The following PIGL variants were observed in gnomAD, a reference collection of about 807,000 sequenced individuals.
PIGL encodes the protein N-acetylglucosaminyl-phosphatidylinositol de-N-acetylase.
Under a neutral mutation model 31.1 loss-of-function variants are expected in PIGL, and 22 were observed. The observed-to-expected ratio is 0.71, with a 90% CI of 0.51 to 1.01. The LOEUF (loss-of-function observed/expected upper bound fraction) is 1.01, where lower values mean the gene tolerates loss of function less well. Ranked by LOEUF, PIGL falls within the 50% of genes least tolerant of loss-of-function variation. The pLI is 0.00. For synonymous variants in PIGL, 131 were observed against 117.4 expected (o/e 1.12, Z -0.75); for missense variants, 302 against 315.9 (o/e 0.96, Z 0.33).
rs899662491 is a variant in PIGL at position 16,267,480 on chromosome 17, C to T, written c.336-32408C>T. Among the ~76,000 whole-genome samples, 3 of 152,162 alleles carry T rather than the reference C, an allele frequency of 2.0e-5. No homozygotes were observed. The South Asian group carries it at 6.2e-4, about 32-fold the overall frequency. ...TATAAGTGGACCCACGCAGTTCAAACGTGTTGTTCAAGGGTCAACTGTGGT... is the reference window on the plus strand; with the variant it reads ...TATAAGTGGACCCACGCAGTTCAAATGTGTTGTTCAAGGGTCAACTGTGGT... On this transcript the variant is annotated intron_variant, in intron 2 of 6. Coordinates refer to ENST00000225609, the MANE Select transcript of PIGL (RefSeq NM_004278.4).
At chr17:16,266,665 G>T (rs8067000) in intron 2 of PIGL, among the ~76,000 whole-genome samples, 7,821 of 151,444 alleles carry the variant, frequency 0.052, 657 homozygotes, top group African/African-American at 0.18. Context: ...GCGCTATCTC[G>T]GCTCACTGCA....
chr17:16,246,597 A>G (rs1463549554), intron 2 of PIGL, among the ~76,000 whole-genome samples: 2 of 150,312 alleles, frequency 1.3e-5, no homozygotes, highest in Non-Finnish European at 3.0e-5. Context: ...TTAACAAAAT[A>G]CCGTAGACAG....
chr17:16,242,509 A>G (rs2092727013), intron 2 of PIGL, among the ~76,000 whole-genome samples: 1 of 152,074 alleles, frequency 6.6e-6, no homozygotes, highest in African/African-American at 2.4e-5. Flanking sequence ...TTTATTTTAT[A>G]TTCATCACTT....
At chr17:16,284,591 G>T (rs2092929607) in intron 2 of PIGL, among the ~76,000 whole-genome samples, 1 of 152,112 alleles carries the variant, frequency 6.6e-6, no homozygotes, top group African/African-American at 2.4e-5. Flanking sequence ...GCACTTGATG[G>T]ATCAGCTGAC....
intron 6 of PIGL, among the ~76,000 whole-genome samples, chr17:16,320,040 G>A (rs1049729776): frequency 6.6e-6 from 1 of 150,736 alleles, no homozygotes; most frequent in Non-Finnish European, 1.5e-5. Flanking sequence ...AGTCTCAGCT[G>A]CTTGGGAGGT....
chr17:16,296,317 A>G (rs771778816), intron 2 of PIGL, among the ~76,000 whole-genome samples: 2 of 152,134 alleles, frequency 1.3e-5, no homozygotes, highest in Non-Finnish European at 2.9e-5. Context: ...GACTGCAAGA[A>G]AGAAGGACTG....
chr17:16,220,045 A>G (rs2092619168), intron 1 of PIGL, among the ~76,000 whole-genome samples: 1 of 151,952 alleles, frequency 6.6e-6, no homozygotes, highest in South Asian at 2.1e-4. Flanking sequence ...CAGAATTGAA[A>G]ATTTTTTCAA....
chr17:16,243,504 C>T (rs1254340774), intron 2 of PIGL, among the ~76,000 whole-genome samples: 1 of 152,180 alleles, frequency 6.6e-6, no homozygotes, highest in Admixed American at 6.5e-5. Context: ...TGGTAAACTA[C>T]TGGGGTCACC....
intron 1 of PIGL, among the ~76,000 whole-genome samples, chr17:16,231,714 GTATGT>G (rs1298647088): frequency 6.6e-6 from 1 of 152,072 alleles, no homozygotes; most frequent in Non-Finnish European, 1.5e-5. Flanking sequence ...TGACTGAGAA[GTATGT>G]TATGGGAAGA....
At chr17:16,218,606 A>G (rs2092610189) in intron 1 of PIGL, among the ~76,000 whole-genome samples, 2 of 151,280 alleles carry the variant, frequency 1.3e-5, no homozygotes, top group African/African-American at 4.9e-5. Flanking sequence ...ATGAGTATTA[A>G]TTTTTAAAAT....
chr17:16,226,983 A>G (rs922961606), intron 1 of PIGL, among the ~76,000 whole-genome samples: 3 of 152,212 alleles, frequency 2.0e-5, no homozygotes, highest in Non-Finnish European at 2.9e-5. Flanking sequence ...CATGCATTCT[A>G]GAACATGTTT....
chr17:16,324,470 C>T (rs2093118999), intron 6 of PIGL: 1 of 152,168 alleles, frequency 6.6e-6, no homozygotes, highest in Non-Finnish European at 1.5e-5. Context: ...AAGCAATTCT[C>T]CTGCCTCAGC....
chr17:16,222,534 A>G (rs577617943), intron 1 of PIGL, among the ~76,000 whole-genome samples: 4 of 152,274 alleles, frequency 2.6e-5, no homozygotes, highest in Admixed American at 6.5e-5. Context: ...AGTTTAAGTA[A>G]CAACTGAAGT....
intron 1 of PIGL, among the ~76,000 whole-genome samples, chr17:16,230,873 T>C (rs1401419395): frequency 6.6e-6 from 1 of 152,040 alleles, no homozygotes; most frequent in Non-Finnish European, 1.5e-5. Context: ...AAAAATTTTA[T>C]TTTTAAAGAA....
chr17:16,265,603 C>T (rs71360164), intron 2 of PIGL, among the ~76,000 whole-genome samples: 1 of 151,768 alleles, frequency 6.6e-6, no homozygotes, highest in Admixed American at 6.6e-5. Context: ...AGCTGGGAAT[C>T]GTGGCACGTG....
At chr17:16,322,061 G>C (rs1475873739) in intron 6 of PIGL, among the ~76,000 whole-genome samples, 1 of 151,964 alleles carries the variant, frequency 6.6e-6, no homozygotes, top group Non-Finnish European at 1.5e-5. Context: ...GGGATTACAG[G>C]TGTGAGCCAT....
In PIGL at chr17:16,320,409, AAAG is replaced by A. The variant is rs1313134167; in HGVS notation, c.660+2502_660+2504del. On this transcript the variant is annotated intron_variant, in intron 6 of 6. Coordinates refer to ENST00000225609, the MANE Select transcript of PIGL (RefSeq NM_004278.4). ...GAAAGAAAGAGAGGGGAGGGAGAGA[AAAG>A]GAGAGAGGAAGGAAGGGAGGGAGGG... is the stretch of plus-strand genomic sequence containing the variant. Among the ~76,000 whole-genome samples, 134 of 125,276 alleles carry A rather than the reference AAAG, an allele frequency of 1.1e-3. 1 individual carries two copies. Among genetic ancestry groups the A allele is most frequent in the African/African-American group, 3.9e-3 (127 of 32,838 alleles). The allele number at this position is 125,276 out of a possible 152,430, so 82.2% of individuals were successfully genotyped here.
At chr17:16,252,216 G>T (rs1184360395) in intron 2 of PIGL, among the ~76,000 whole-genome samples, 1 of 152,000 alleles carries the variant, frequency 6.6e-6, no homozygotes, top group Admixed American at 6.6e-5. Context: ...TGGGATTACA[G>T]GCACATGCCA....
At position 16,313,542 on chromosome 17, in the gene PIGL, T is replaced by C; in HGVS notation, c.427-5T>C. On this transcript the variant is annotated splice_region_variant and splice_polypyrimidine_tract_variant and intron_variant, in intron 3 of 6. Transcript: ENST00000225609. ...ATTCAGTGAAAACCCTGTGTTTCTCTACAGGTGGTGACTTTCGATGCAGGG... is the reference window on the plus strand; with the variant it reads ...ATTCAGTGAAAACCCTGTGTTTCTCCACAGGTGGTGACTTTCGATGCAGGG... 6.2e-7 allele frequency: 1 copy of C among 1,609,122 alleles called. No individual in the cohort carries two copies. Among genetic ancestry groups the C allele is most frequent in the Non-Finnish European group, 8.5e-7 (1 of 1,175,396 alleles).
Sources: allele counts gnomAD v4.1 joint callset (sites outside exome capture counted in the v4.1 genomes callset), GRCh38; gene constraint gnomAD v4.1.1; transcripts MANE v1.5; gene names NCBI Gene and HGNC (gene_info 2026-07-23, HGNC 2026-07-21).